Variants in FGD5 observed in about 807,000 individuals in gnomAD.
The protein encoded by FGD5 is FYVE, RhoGEF and PH domain-containing protein 5.
In FGD5, 28 loss-of-function variants were observed where a neutral mutation model predicts 133.4. The ratio of observed to expected loss-of-function variants is 0.21; its 90% confidence interval spans 0.16 to 0.29. The LOEUF (loss-of-function observed/expected upper bound fraction) is 0.29. FGD5 is among the 10% of genes least tolerant of loss of function. The probability of loss-of-function intolerance (pLI) is 1.00; values close to 1 mark genes in which losing one functional copy is unlikely to be tolerated. For synonymous variants in FGD5, 810 were observed against 776.5 expected, an observed-to-expected ratio of 1.04 and a Z score of -0.72; for missense variants, 1,858 against 1,895.2, an observed-to-expected ratio of 0.98 and a Z score of 0.36.
chr3:14,843,116 G>A (rs892347192), intron 1 of FGD5, among the ~76,000 whole-genome samples: 1 of 152,170 alleles, frequency 6.6e-6, no homozygotes, highest in South Asian at 2.1e-4. Flanking sequence ...TCTAAATTGA[G>A]TTGCTTATTT....
chr3:14,842,204 C>G (rs2036937597), intron 1 of FGD5, among the ~76,000 whole-genome samples: 1 of 152,234 alleles, frequency 6.6e-6, no homozygotes, highest in African/African-American at 2.4e-5. Context: ...AGGACCACAG[C>G]CACGTCCCTT....
chr3:14,822,971 C>T (rs1441883287), intron 1 of FGD5, among the ~76,000 whole-genome samples: 2 of 152,238 alleles, frequency 1.3e-5, no homozygotes, highest in African/African-American at 4.8e-5. Context: ...GCTCCATCTT[C>T]TCACTATCCC....
intron 4 of FGD5, among the ~76,000 whole-genome samples, chr3:14,894,212 T>C (rs2038089080): frequency 6.6e-6 from 1 of 152,244 alleles, no homozygotes; most frequent in South Asian, 2.1e-4. Context: ...GCGATATTTG[T>C]CTTTCTGTGC....
At chr3:14,828,127 G>A (rs2036637919) in intron 1 of FGD5, among the ~76,000 whole-genome samples, 1 of 152,150 alleles carries the variant, frequency 6.6e-6, no homozygotes, top group Non-Finnish European at 1.5e-5. Flanking sequence ...ATGGAGTGAT[G>A]TGTGGAAGGA....
At chr3:14,881,434 G>A (rs1471488257) in intron 4 of FGD5, among the ~76,000 whole-genome samples, 1 of 152,214 alleles carries the variant, frequency 6.6e-6, no homozygotes, top group Non-Finnish European at 1.5e-5. Context: ...AGGTCAGACA[G>A]GGCCCTTCCC....
intron 1 of FGD5, among the ~76,000 whole-genome samples, chr3:14,858,879 C>T (rs186739919): frequency 6.6e-6 from 1 of 152,304 alleles, no homozygotes; most frequent in African/African-American, 2.4e-5. Context: ...TTTCCTTGCC[C>T]TGTGTATAAT....
At chr3:14,920,109 G>A (rs1319546822) in intron 13 of FGD5, among the ~76,000 whole-genome samples, 6 of 152,048 alleles carry the variant, frequency 3.9e-5, no homozygotes, top group Non-Finnish European at 8.8e-5. Flanking sequence ...GGCAAGGTAA[G>A]CTCAAGCTCT....
At chr3:14,843,686 C>CT (rs71919787) in intron 1 of FGD5, among the ~76,000 whole-genome samples, 14,998 of 47,852 alleles carry the variant, frequency 0.31, 1,144 homozygotes, top group East Asian at 0.48. Flanking sequence ...CCCCAGGGTG[C>CT]TTTTTTTTTT....
chr3:14,885,455 A>C (rs568720955), intron 4 of FGD5, among the ~76,000 whole-genome samples: 1 of 152,290 alleles, frequency 6.6e-6, no homozygotes, highest in East Asian at 1.9e-4. Context: ...CACATCCTGC[A>C]TTCATGATAA....
rs536875725 is a variant in FGD5 at position 14,919,557 on chromosome 3, G to A, written c.3569+724G>A. 5.9e-5 allele frequency among the ~76,000 whole-genome samples: 9 copies of A among 152,342 alleles called. 1 individual carries two copies. The South Asian group carries it at 1.9e-3, about 32-fold the overall frequency. ...GGCGTGAACCGGGGAGGTGGAGCTT[G>A]CAGTGAGCCGAGATTGCACCACTGC... On this transcript the variant is annotated intron_variant, in intron 13 of 19. Coordinates refer to ENST00000285046, the MANE Select transcript of FGD5 (RefSeq NM_152536.4).
At chr3:14,927,541 T>C (rs1296988205) in intron 18 of FGD5, among the ~76,000 whole-genome samples, 2 of 20,532 alleles carry the variant, frequency 9.7e-5, no homozygotes, top group African/African-American at 8.1e-4. Flanking sequence ...AAGAGGAATT[T>C]ACATAATTTC....
upstream of FGD5, among the ~76,000 whole-genome samples, chr3:14,815,894 C>A (rs1218283868): frequency 6.6e-6 from 1 of 152,224 alleles, no homozygotes; most frequent in African/African-American, 2.4e-5. Flanking sequence ...CAGCCACTCA[C>A]CCTCTCTGTG....
chr3:14,831,794 G>T (rs891925500), intron 1 of FGD5, among the ~76,000 whole-genome samples: 1 of 152,234 alleles, frequency 6.6e-6, no homozygotes, highest in Non-Finnish European at 1.5e-5. Flanking sequence ...ATTGTCAGCT[G>T]TGTGGGGTGA....
intron 18 of FGD5, among the ~76,000 whole-genome samples, chr3:14,926,812 T>A (rs1260417060): frequency 7.9e-5 from 12 of 151,906 alleles, no homozygotes; most frequent in Admixed American, 7.9e-4. Context: ...TCTATCTCCA[T>A]GCTTCACCAG....
chr3:14,839,887 C>T (rs1262067774), intron 1 of FGD5, among the ~76,000 whole-genome samples: 4 of 151,948 alleles, frequency 2.6e-5, no homozygotes, highest in East Asian at 1.9e-4. Flanking sequence ...CAGTCGAGAT[C>T]GCGCCACTGC....
rs2038694661 is a variant in FGD5, at chr3:14,922,139, C to T, written c.3669+122C>T. ...TAGCTCCTGTCTTGGGGCACTGGCT[C>T]CCCCCACACCCCTGCCATGCTCCCA... On this transcript the variant is annotated intron_variant, in intron 14 of 19. Coordinates refer to ENST00000285046, the MANE Select transcript of FGD5 (RefSeq NM_152536.4). The surrounding 1 kb of genome is among the most constrained non-coding windows in gnomAD (Gnocchi z 4.1). 9.0e-7 allele frequency: 1 copy of T among 1,115,588 alleles called. No individual in the cohort carries two copies. Among genetic ancestry groups the T allele is most frequent in the South Asian group, 1.4e-5 (1 of 70,310 alleles). 69.1% of individuals were successfully genotyped at this position (1,115,588 alleles called of 1,614,324 possible).
chr3:14,820,934 G>C lies in FGD5; in HGVS notation c.1863G>C (p.Leu621=), dbSNP rs1477455809. The C allele has an allele frequency of 6.2e-7, 1 of 1,613,816 alleles. No homozygotes were observed. Among genetic ancestry groups the C allele is most frequent in the Non-Finnish European group, 8.5e-7 (1 of 1,179,870 alleles). The change falls in exon 1 of 20, where the codon CTG becomes CTC. Residue 621 remains leucine (L), a synonymous_variant. Coordinates refer to ENST00000285046, the MANE Select transcript of FGD5 (RefSeq NM_152536.4). ...TCGACATCCCACCTCCTTTCGACCT[G>C]GCCTGCATCACCAAGAAGCCCATCA... The part of the protein sequence containing the change: ...SMVDIPPPFD[L]ACITKKPITK...
In FGD5 at chr3:14,819,276, C is replaced by A. The variant is rs1163446272; in HGVS notation, c.205C>A (p.Pro69Thr). ...GACCGACGAGGATTACATCGTGGTC[C>A]CCAGGGTTCCGCTGAGGGAGGATGA... ...SETDEDYIVVPRVPLREDEPK... is the reference protein window; with the variant it reads ...SETDEDYIVVTRVPLREDEPK... The change falls in exon 1 of 20, where the codon CCC becomes ACC. Residue 69 changes from proline (P) to threonine (T), a missense_variant. Transcript: ENST00000285046. This position sits in a 1 kb window ranked among gnomAD's most constrained non-coding sequence, Gnocchi z 4.1. The A allele has an allele frequency of 1.3e-6, 2 of 1,531,640 alleles. No individual in the cohort carries two copies. Among genetic ancestry groups the A allele is most frequent in the Non-Finnish European group, 1.8e-6 (2 of 1,136,900 alleles). The allele number at this position is 1,531,640 out of a possible 1,614,324, so 94.9% of individuals were successfully genotyped here. A position where few individuals can be genotyped will look rare whatever the true frequency, so the allele number is the denominator to read the frequency against.
At chr3:14,890,524 G>A (rs1372509159) in intron 4 of FGD5, among the ~76,000 whole-genome samples, 1 of 152,176 alleles carries the variant, frequency 6.6e-6, no homozygotes, top group Non-Finnish European at 1.5e-5. Context: ...GGACCCCCAG[G>A]TATGATGATG....
Sources: gnomAD v4.1 joint callset for allele counts (sites outside exome capture counted in the v4.1 genomes callset) on GRCh38, gnomAD v4.1.1 for gene constraint, Gnocchi (gnomAD v3.1) non-coding constraint, MANE v1.5 for transcripts, NCBI Gene and HGNC (gene_info 2026-07-23, HGNC 2026-07-21) for gene names.